The following UMAD1 variants were observed in gnomAD, a reference collection of about 807,000 sequenced individuals.
UMAD1 encodes UBAP1-MVB12-associated (UMA) domain containing 1.
Under a neutral mutation model 6.1 loss-of-function variants are expected in UMAD1, and 8 were observed. The ratio of observed to expected loss-of-function variants is 1.30; its 90% confidence interval spans 0.76 to 2.35. UMAD1 has a LOEUF of 2.35. UMAD1 is among the 30% of genes most tolerant of loss of function. UMAD1 has a pLI of 0.00. For synonymous variants in UMAD1, 56 were observed against 31.4 expected (o/e 1.78, Z -2.61); for missense variants, 130 against 78.4 (o/e 1.66, Z -2.49).
chr7:7,697,270 T>A (rs1221841321), intron 2 of UMAD1, among the ~76,000 whole-genome samples: 1 of 152,232 alleles, frequency 6.6e-6, no homozygotes, highest in Non-Finnish European at 1.5e-5. Context: ...AATGATATCT[T>A]CTATCTAATT....
chr7:7,751,920 G>A (rs73673805), intron 2 of UMAD1, among the ~76,000 whole-genome samples: 11,802 of 152,200 alleles, frequency 0.078, 584 homozygotes, highest in African/African-American at 0.13. Context: ...ACACAGGATT[G>A]CTTTGGAATG....
At chr7:7,652,049 G>A (rs1785233844) in intron 1 of UMAD1, among the ~76,000 whole-genome samples, 1 of 152,154 alleles carries the variant, frequency 6.6e-6, no homozygotes, top group African/African-American at 2.4e-5. Context: ...AGGAAATCTA[G>A]TCCTGTAAGA....
intron 2 of UMAD1, among the ~76,000 whole-genome samples, chr7:7,678,802 ATATATT>A (rs1209270973): frequency 1.3e-4 from 4 of 29,764 alleles, no homozygotes; most frequent in Admixed American, 4.7e-4. Flanking sequence ...TAGTTTATAA[ATATATT>A]TATATATTTA....
At chr7:7,788,433 G>A (rs953415116) in intron 2 of UMAD1, among the ~76,000 whole-genome samples, 7 of 152,068 alleles carry the variant, frequency 4.6e-5, no homozygotes, top group African/African-American at 7.2e-5. Flanking sequence ...CTATTTAGCC[G>A]TGCCACTTGC....
chr7:7,648,541 A>G (rs933360850), intron 1 of UMAD1, among the ~76,000 whole-genome samples: 1 of 152,172 alleles, frequency 6.6e-6, no homozygotes, highest in Non-Finnish European at 1.5e-5. Context: ...AATACCACAG[A>G]CTGGGTAATT....
chr7:7,653,501 A>G (rs1414996661), intron 1 of UMAD1, among the ~76,000 whole-genome samples: 1 of 151,936 alleles, frequency 6.6e-6, no homozygotes, highest in Non-Finnish European at 1.5e-5. Context: ...CATGTATAGC[A>G]TTACAAAAAA....
chr7:7,784,045 A>G (rs1371815158), intron 2 of UMAD1, among the ~76,000 whole-genome samples: 1 of 152,202 alleles, frequency 6.6e-6, no homozygotes, highest in Admixed American at 6.5e-5. Flanking sequence ...GATATTGCTT[A>G]TGAAGAAAAT....
intron 2 of UMAD1, among the ~76,000 whole-genome samples, chr7:7,793,421 A>G (rs1049881548): frequency 1.3e-5 from 2 of 152,164 alleles, no homozygotes; most frequent in African/African-American, 2.4e-5. Context: ...TCTTTCCACT[A>G]CTTCACTTGG....
chr7:7,792,444 A>G (rs1044394717), intron 2 of UMAD1, among the ~76,000 whole-genome samples: 3 of 152,220 alleles, frequency 2.0e-5, no homozygotes, highest in Non-Finnish European at 1.5e-5. Context: ...AAAAAGTAGG[A>G]GGGGAAACTA....
intron 3 of UMAD1, among the ~76,000 whole-genome samples, chr7:7,856,802 T>A (rs1369899320): frequency 2.0e-5 from 3 of 152,224 alleles, no homozygotes; most frequent in Non-Finnish European, 2.9e-5. Context: ...ATACTTTACA[T>A]ATATTGACCA....
At chr7:7,803,630 T>C (rs947233829) in intron 3 of UMAD1, among the ~76,000 whole-genome samples, 20 of 152,164 alleles carry the variant, frequency 1.3e-4, no homozygotes, top group African/African-American at 4.8e-4. Flanking sequence ...AACAGAAATT[T>C]ATTTCTTTAG....
intron 1 of UMAD1, among the ~76,000 whole-genome samples, chr7:7,669,231 A>G (rs564918339): frequency 3.3e-4 from 51 of 152,240 alleles, no homozygotes; most frequent in African/African-American, 1.2e-3. Context: ...TCCCCCATGG[A>G]TAAGGAGGAA....
rs145367978 is a variant in UMAD1 at position 7,873,161 on chromosome 7, G to T, written c.157-4120G>T. On this transcript the variant is annotated intron_variant, in intron 3 of 3. Coordinates refer to ENST00000682710, the MANE Select transcript of UMAD1 (RefSeq NM_001302348.2). Reference sequence around the variant, plus strand: ...TCATAATACAGCTAAGGAAACTGAGGCACGGAGAAGTTAAATATTTTGCCC... The same window carrying T: ...TCATAATACAGCTAAGGAAACTGAGTCACGGAGAAGTTAAATATTTTGCCC... 4.3e-4 allele frequency among the ~76,000 whole-genome samples: 66 copies of T among 152,226 alleles called. No individual in the cohort carries two copies. In the East Asian group the frequency reaches 0.011, roughly 26 times the overall value.
At position 7,792,424 on chromosome 7, in the gene UMAD1, A is replaced by G. The variant is rs146739506; in HGVS notation, c.83-9246A>G. On this transcript the variant is annotated intron_variant, in intron 2 of 3. Coordinates refer to ENST00000682710, the MANE Select transcript of UMAD1 (RefSeq NM_001302348.2). The stretch of plus-strand genomic sequence containing the variant: ...TGGAAAACAGACAGGGATTAAATGG[A>G]CAGAATTAGAAAAAGTAGGAGGGGA... Among the ~76,000 whole-genome samples, 275 of 152,328 alleles carry G rather than the reference A, an allele frequency of 1.8e-3. 2 individuals carry two copies. Among genetic ancestry groups the G allele is most frequent in the African/African-American group, 6.3e-3 (261 of 41,572 alleles).
At chr7:7,801,246 A>T (rs948340304) in intron 2 of UMAD1, among the ~76,000 whole-genome samples, 12 of 152,242 alleles carry the variant, frequency 7.9e-5, no homozygotes, top group Non-Finnish European at 1.5e-4. Flanking sequence ...CATCTACTCC[A>T]AGGCAAATCC....
At chr7:7,756,327 T>C (rs1294441852) in intron 2 of UMAD1, among the ~76,000 whole-genome samples, 1 of 152,052 alleles carries the variant, frequency 6.6e-6, no homozygotes, top group Admixed American at 6.5e-5. Context: ...AAAGTGTGAG[T>C]GGTTCTGAAC....
intron 3 of UMAD1, among the ~76,000 whole-genome samples, chr7:7,836,328 G>A (rs1783569483): frequency 6.6e-6 from 1 of 151,948 alleles, no homozygotes; most frequent in East Asian, 1.9e-4. Flanking sequence ...AATTTTACTA[G>A]CTATAAAAGT....
chr7:7,826,211 G>T (rs967479734), intron 3 of UMAD1, among the ~76,000 whole-genome samples: 2 of 151,930 alleles, frequency 1.3e-5, no homozygotes, highest in Admixed American at 1.3e-4. Context: ...ACAAAACAGG[G>T]GTTTGTTTTT....
chr7:7,646,057 C>T (rs530599580), intron 1 of UMAD1, among the ~76,000 whole-genome samples: 1 of 152,158 alleles, frequency 6.6e-6, no homozygotes, highest in Non-Finnish European at 1.5e-5. Flanking sequence ...TTTGGGCCTC[C>T]AGCCCCATGG....
Sources: gnomAD v4.1 joint callset for allele counts (sites outside exome capture counted in the v4.1 genomes callset) on GRCh38, gnomAD v4.1.1 for gene constraint, MANE v1.5 for transcripts, NCBI Gene and HGNC (gene_info 2026-07-23, HGNC 2026-07-21) for gene names.